FHAD1: variants seen among roughly 807,000 people sequenced by gnomAD.
The protein encoded by FHAD1 is forkhead associated phosphopeptide binding domain 1, also known as forkhead-associated domain-containing protein 1.
FHAD1 carries 146 observed loss-of-function variants against 191.3 expected under a neutral mutation model. That is an observed-to-expected ratio of 0.76 (90% CI 0.67 to 0.88). FHAD1 has a LOEUF of 0.88. FHAD1 is among the 40% of genes least tolerant of loss of function. The probability of loss-of-function intolerance (pLI) is 0.00; values close to 1 mark genes in which losing one functional copy is unlikely to be tolerated. For synonymous variants in FHAD1, 616 were observed against 672.3 expected (o/e 0.92, Z 1.29); for missense variants, 1,635 against 1,785.8 (o/e 0.92, Z 1.52).
Position 15,329,447 on chromosome 1 carries a change from GGTGCTGGACGTCCTGAGGCAC to G in FHAD1, c.1814_1834del (p.Val605_His611del), listed in dbSNP as rs1369720140. 1.3e-6 allele frequency: 2 copies of G among 1,551,182 alleles called. No homozygotes were observed. Among genetic ancestry groups the G allele is most frequent in the African/African-American group, 2.7e-5 (2 of 73,040 alleles). On this transcript the variant is annotated inframe_deletion, in exon 14 of 34. Transcript: ENST00000688493. This position sits in a 1 kb window ranked among gnomAD's most constrained non-coding sequence, Gnocchi z 5.0. ...CACCTGTCTCGGGGCTCCAGAAGGT[GGTGCTGGACGTCCTGAGGCAC>G]GCGCTGTCCTGGCTGGAGGAGGTGG... is the stretch of plus-strand genomic sequence containing the variant.
chr1:15,241,406 G>A (rs982193906), intron 1 of FHAD1, among the ~76,000 whole-genome samples: 6 of 152,186 alleles, frequency 3.9e-5, no homozygotes, highest in Middle Eastern at 3.2e-3. Context: ...TATAATCCCA[G>A]CACTGTGGGA....
chr1:15,346,788 A>G (rs2102379483), intron 18 of FHAD1, among the ~76,000 whole-genome samples: 1 of 152,294 alleles, frequency 6.6e-6, no homozygotes, highest in South Asian at 2.1e-4. Flanking sequence ...CACAAGTTCA[A>G]ATCCGAGCTG....
At chr1:15,278,649 T>C (rs1244325279) in intron 3 of FHAD1, among the ~76,000 whole-genome samples, 1 of 152,030 alleles carries the variant, frequency 6.6e-6, no homozygotes, top group East Asian at 1.9e-4. Context: ...AATTTTTGTA[T>C]TTTTAGTAGA....
At chr1:15,239,502 C>T (rs1018122970) in intron 1 of FHAD1, among the ~76,000 whole-genome samples, 5 of 152,136 alleles carry the variant, frequency 3.3e-5, no homozygotes, top group African/African-American at 9.7e-5. Flanking sequence ...GCAGGGGAAT[C>T]GCTTGAACCT....
At chr1:15,377,831 C>CAA (rs879304101) in intron 28 of FHAD1, among the ~76,000 whole-genome samples, 1 of 135,338 alleles carries the variant, frequency 7.4e-6, no homozygotes, top group Non-Finnish European at 1.6e-5. Flanking sequence ...GACTTTGTCT[C>CAA]AAAAAAAAAA....
At chr1:15,324,711 G>T in intron 11 of FHAD1, 152 bp downstream of exon 11, 1 of 642,680 alleles carries the variant, frequency 1.6e-6, no homozygotes, top group Non-Finnish European at 2.8e-6. Flanking sequence ...GCTGTCTGCA[G>T]CTCCCCACCC....
rs17368978 is a variant in FHAD1 at position 15,375,634 on chromosome 1, A to C, written c.3609A>C (p.Leu1203=). The C allele has an allele frequency of 2.6e-6, 4 of 1,543,022 alleles. No individual in the cohort carries two copies. In the South Asian group the frequency reaches 4.9e-5, roughly 19 times the overall value. The stretch of plus-strand genomic sequence containing the variant: ...AAGACCACCAGAATGAATCATTTCT[A>C]GATTTAAAGAACCTCAGAATGGAAA... The part of the protein sequence containing the change: ...DHKDHQNESF[L]DLKNLRMENN... Residue 1203 remains leucine, a synonymous_variant, in exon 28 of 34, where the codon CTA becomes CTC. Transcript: ENST00000688493.
In FHAD1 at chr1:15,289,636, G is replaced by A. The variant is rs116072930; in HGVS notation, c.538G>A (p.Asp180Asn). The A allele has an allele frequency of 1.9e-3, 2,977 of 1,550,464 alleles. 44 individuals are homozygous for A. The African/African-American group carries it at 0.033, about 17-fold the overall frequency. Reference protein sequence around the residue: ...NKEMFSFVVDDARKPPVIKQV... With the variant: ...NKEMFSFVVDNARKPPVIKQV... ...GGAGATGTTCTCGTTCGTGGTGGAC[G>A]ACGCCCGCAAGCCACCCGTCATCAA... The change falls in exon 4 of 34, where the codon GAC becomes AAC. Residue 180 changes from aspartate to asparagine, a missense_variant. By Grantham distance (23) the Asp-to-Asn change is conservative. Coordinates refer to ENST00000688493, the MANE Select transcript of FHAD1 (RefSeq NM_001391957.1). This position sits in a 1 kb window ranked among gnomAD's most constrained non-coding sequence, Gnocchi z 4.2.
intron 28 of FHAD1, among the ~76,000 whole-genome samples, chr1:15,378,805 A>C (rs1373150104): frequency 3.3e-5 from 5 of 152,034 alleles, no homozygotes; most frequent in African/African-American, 4.8e-5. Context: ...AGAGCCGGTA[A>C]ATGCTGCAAG....
intron 19 of FHAD1, among the ~76,000 whole-genome samples, chr1:15,350,064 A>G (rs1690289941): frequency 6.6e-6 from 1 of 152,270 alleles, no homozygotes; most frequent in Non-Finnish European, 1.5e-5. Flanking sequence ...CAGAACTTCC[A>G]GAAACAGAGC....
At position 15,327,176 on chromosome 1, in the gene FHAD1, A is replaced by G. The variant is rs1167636592; in HGVS notation, c.1557+34A>G. 2 of 1,396,760 alleles carry G rather than the reference A, an allele frequency of 1.4e-6. No individual in the cohort carries two copies. The highest frequency in any genetic ancestry group is 2.0e-6 in the Non-Finnish European group (2 of 1,008,550). The allele number at this position is 1,396,760 out of a possible 1,614,324, so 86.5% of individuals were successfully genotyped here. A position where few individuals can be genotyped will look rare whatever the true frequency, so the allele number is the denominator to read the frequency against. On this transcript the variant is annotated intron_variant, in intron 12 of 33. Coordinates refer to ENST00000688493, the MANE Select transcript of FHAD1 (RefSeq NM_001391957.1). The surrounding 1 kb of genome is among the most constrained non-coding windows in gnomAD (Gnocchi z 5.1). ...GCCGTCCCTGCCACGTGGCTCCTTCACTTTCCTCTTCTTCTTCTTCGTGGA... is the reference window on the plus strand; with the variant it reads ...GCCGTCCCTGCCACGTGGCTCCTTCGCTTTCCTCTTCTTCTTCTTCGTGGA...
intron 27 of FHAD1, 87 bp downstream of exon 27, chr1:15,374,718 T>C: frequency 6.7e-7 from 1 of 1,485,340 alleles, no homozygotes; most frequent in Non-Finnish European, 9.1e-7. Flanking sequence ...ACTACCATGT[T>C]TTATCTGCAT....
chr1:15,274,328 C>T (rs1256936726), intron 3 of FHAD1, among the ~76,000 whole-genome samples: 1 of 152,152 alleles, frequency 6.6e-6, no homozygotes, highest in East Asian at 1.9e-4. Context: ...TCTGTTTTGG[C>T]CAGGCATGGT....
chr1:15,392,315 G>A (rs570925489), intron 33 of FHAD1, among the ~76,000 whole-genome samples: 3 of 152,266 alleles, frequency 2.0e-5, no homozygotes, highest in East Asian at 1.9e-4. Flanking sequence ...GGCGGATCAC[G>A]AGGTCAGGAG....
intron 2 of FHAD1, among the ~76,000 whole-genome samples, chr1:15,260,365 A>C (rs748946892): frequency 1.3e-5 from 2 of 152,190 alleles, no homozygotes; most frequent in Non-Finnish European, 2.9e-5. Context: ...ACTACAGTAC[A>C]TTTTGGTTAT....
At chr1:15,248,225 G>C (rs1780600) in intron 1 of FHAD1, among the ~76,000 whole-genome samples, 44,143 of 152,002 alleles carry the variant, frequency 0.29, 7,440 homozygotes, top group Non-Finnish European at 0.38. Context: ...CAGCGCTGGG[G>C]GCCAGAGGGG....
intron 6 of FHAD1, among the ~76,000 whole-genome samples, chr1:15,304,721 AT>A (rs1475505997): frequency 6.6e-6 from 1 of 152,134 alleles, no homozygotes; most frequent in Non-Finnish European, 1.5e-5. Flanking sequence ...GGGTTGGGAC[AT>A]TGCAGCCCAT....
intron 19 of FHAD1, among the ~76,000 whole-genome samples, chr1:15,350,530 G>A (rs1210044634): frequency 6.6e-6 from 1 of 152,206 alleles, no homozygotes; most frequent in Admixed American, 6.5e-5. Flanking sequence ...GCACCAGGGC[G>A]CAGTGGAAGG....
intron 25 of FHAD1, among the ~76,000 whole-genome samples, chr1:15,368,006 C>G (rs901637608): frequency 6.6e-6 from 1 of 152,144 alleles, no homozygotes; most frequent in African/African-American, 2.4e-5. Flanking sequence ...CTCACTCACT[C>G]TGTTGCCCAG....
Sources: gnomAD v4.1 joint callset for allele counts (sites outside exome capture counted in the v4.1 genomes callset) on GRCh38, gnomAD v4.1.1 for gene constraint, Gnocchi (gnomAD v3.1) non-coding constraint, MANE v1.5 for transcripts, NCBI Gene and HGNC (gene_info 2026-07-23, HGNC 2026-07-21) for gene names.